ALPK1: variants seen among roughly 807,000 people sequenced by gnomAD.
ALPK1 encodes alpha-protein kinase 1.
In ALPK1, 110 loss-of-function variants were observed where a neutral mutation model predicts 120.6. That is an observed-to-expected ratio of 0.91 (90% CI 0.78 to 1.07). The LOEUF is 1.07. Among genes scored for constraint, ALPK1 ranks in the 50% least tolerant of loss-of-function variants. The probability of loss-of-function intolerance (pLI) is 0.00; values close to 1 mark genes in which losing one functional copy is unlikely to be tolerated. For missense variants in ALPK1, 1,498 were observed against 1,483.9 expected (o/e 1.01, Z -0.16); for synonymous variants, 582 against 560.3 (o/e 1.04, Z -0.55).
At chr4:112,385,720 T>C (rs1732123205) in intron 4 of ALPK1, among the ~76,000 whole-genome samples, 1 of 152,204 alleles carries the variant, frequency 6.6e-6, no homozygotes, top group African/African-American at 2.4e-5. Flanking sequence ...TTTTGTTTCA[T>C]TGTATCCCAA....
intron 3 of ALPK1, among the ~76,000 whole-genome samples, chr4:112,380,301 C>T (rs1383047204): frequency 2.6e-5 from 4 of 152,158 alleles, no homozygotes; most frequent in Non-Finnish European, 4.4e-5. Context: ...TCAGGTTTTC[C>T]AGCAGAATGT....
intron 2 of ALPK1, among the ~76,000 whole-genome samples, chr4:112,355,060 A>C (rs1730540246): frequency 6.6e-6 from 1 of 152,136 alleles, no homozygotes; most frequent in African/African-American, 2.4e-5. Flanking sequence ...GTATCTCCTC[A>C]TGTCTTCCCA....
chr4:112,331,963 A>C (rs1729395971), intron 2 of ALPK1, among the ~76,000 whole-genome samples: 1 of 152,182 alleles, frequency 6.6e-6, no homozygotes, highest in African/African-American at 2.4e-5. Context: ...ACCAGTACCA[A>C]ATAACAACCA....
chr4:112,326,426 T>C lies in ALPK1; in HGVS notation c.-101+10574T>C, dbSNP rs554633957. On this transcript the variant is annotated intron_variant, in intron 2 of 15. Coordinates refer to ENST00000650871, the MANE Select transcript of ALPK1 (RefSeq NM_025144.4). ...GAGAAATGAAGCAGACTTTTTCTGTTTCATTTACATCTGTAGGTACTCTTG... is the reference window on the plus strand; with the variant it reads ...GAGAAATGAAGCAGACTTTTTCTGTCTCATTTACATCTGTAGGTACTCTTG... 2.0e-5 allele frequency among the ~76,000 whole-genome samples: 3 copies of C among 152,254 alleles called. No homozygotes were observed. In the East Asian group the frequency reaches 5.8e-4, roughly 29 times the overall value.
chr4:112,353,880 TA>T lies in ALPK1; in HGVS notation c.-100-23795del, dbSNP rs555931705. Among the ~76,000 whole-genome samples, 1,289 of 151,740 alleles carry T rather than the reference TA, an allele frequency of 8.5e-3. 19 individuals are homozygous for T. The highest frequency in any genetic ancestry group is 0.03 in the African/African-American group (1,232 of 41,414). ...TGAGACTCTGTCTCAAATAAATAAA[TA>T]AATAAATAAATAAATAAATAAGTTG... On this transcript the variant is annotated intron_variant, in intron 2 of 15. Coordinates refer to ENST00000650871, the MANE Select transcript of ALPK1 (RefSeq NM_025144.4).
intron 1 of ALPK1, among the ~76,000 whole-genome samples, chr4:112,302,794 C>G (rs747266420): frequency 2.0e-5 from 3 of 152,100 alleles, no homozygotes; most frequent in Admixed American, 1.3e-4. Context: ...GTCTACTTCC[C>G]TTTCTCTCCT....
chr4:112,438,439 A>G, intron 12 of ALPK1, 45 bp from the exon 13 acceptor site: 1 of 1,596,122 alleles, frequency 6.3e-7, no homozygotes, highest in South Asian at 1.1e-5. Flanking sequence ...CATAGTAAGT[A>G]AGACCACTTT....
intron 2 of ALPK1, among the ~76,000 whole-genome samples, chr4:112,331,964 A>G (rs1729396192): frequency 6.6e-6 from 1 of 152,160 alleles, no homozygotes; most frequent in African/African-American, 2.4e-5. Context: ...CCAGTACCAA[A>G]TAACAACCAC....
At chr4:112,304,812 G>C (rs905686285) in intron 1 of ALPK1, among the ~76,000 whole-genome samples, 17 of 152,082 alleles carry the variant, frequency 1.1e-4, no homozygotes, top group Non-Finnish European at 2.1e-4. Flanking sequence ...TTTTAGACAT[G>C]AAGTCCTTGC....
In ALPK1 at chr4:112,425,730, G is replaced by A. The variant is rs765383617; in HGVS notation, c.601G>A (p.Gly201Arg). Residue 201 changes from glycine to arginine, a missense_variant, in exon 7 of 16, where the codon GGG becomes AGG. Physicochemically the swap from Gly to Arg is moderately radical, Grantham distance 125. Coordinates refer to ENST00000650871, the MANE Select transcript of ALPK1 (RefSeq NM_025144.4). The stretch of plus-strand genomic sequence containing the variant: ...GCAGTCGGTCTGTATACAGATCAGA[G>A]GGCAGATTCTGCAAAAGCTGGGTAC... The part of the protein sequence containing the change: ...LVQSVCIQIR[G>R]QILQKLGMWY... 7 of 1,611,666 alleles carry A rather than the reference G, an allele frequency of 4.3e-6. No individual in the cohort carries two copies. The African/African-American group carries it at 8.0e-5, about 18-fold the overall frequency.
intron 5 of ALPK1, among the ~76,000 whole-genome samples, chr4:112,421,314 T>C (rs1733981266): frequency 6.6e-6 from 1 of 152,230 alleles, no homozygotes; most frequent in African/African-American, 2.4e-5. Flanking sequence ...ACATTTATCT[T>C]TGAATGCTAC....
rs78413793 is a variant in ALPK1 at position 112,437,317 on chromosome 4, C to A, written c.3189-1167C>A. 2.8e-3 allele frequency among the ~76,000 whole-genome samples: 430 copies of A among 152,156 alleles called. 2 individuals carry two copies. The highest frequency in any genetic ancestry group is 9.9e-3 in the African/African-American group (413 of 41,524). On this transcript the variant is annotated intron_variant, in intron 12 of 15. Coordinates refer to ENST00000650871, the MANE Select transcript of ALPK1 (RefSeq NM_025144.4). ...ATTTGCAGCTTAAAAGGAAAAATGA[C>A]CATGGCAGTTTACCATGAACAAATC...
At position 112,431,881 on chromosome 4, in the gene ALPK1, T is replaced by C. The variant is rs1734575674; in HGVS notation, c.2334T>C (p.Phe778=). The C allele has an allele frequency of 6.2e-7, 1 of 1,613,834 alleles. No individual in the cohort carries two copies. The highest frequency in any genetic ancestry group is 1.7e-5 in the Admixed American group (1 of 60,006). ...EISERGAGPT[F]KASPSWVDPE... ...GTGAAAGAGGCGCAGGCCCTACATT[T>C]AAAGCTAGTCCCTCCTGGGTTGACC... The change falls in exon 11 of 16, where the codon TTT becomes TTC. Residue 778 remains phenylalanine, a synonymous_variant. Transcript: ENST00000650871.
At chr4:112,377,255 T>C (rs1384457409) in intron 2 of ALPK1, among the ~76,000 whole-genome samples, 1 of 152,180 alleles carries the variant, frequency 6.6e-6, no homozygotes, top group Non-Finnish European at 1.5e-5. Context: ...ACAGGGGAAA[T>C]CAGCAGTGGG....
intron 2 of ALPK1, among the ~76,000 whole-genome samples, chr4:112,347,186 C>A (rs1730136815): frequency 1.3e-5 from 2 of 152,164 alleles, no homozygotes. Context: ...AATCAACATT[C>A]TGTTAAACTA....
rs552950330 is a variant in ALPK1, at chr4:112,362,857, A to C, written c.-100-14821A>C. Among the ~76,000 whole-genome samples, 70 of 152,346 alleles carry C rather than the reference A, an allele frequency of 4.6e-4. 1 individual carries two copies. The highest frequency in any genetic ancestry group is 1.7e-3 in the African/African-American group (70 of 41,580). ...GGCAAAAGCATCAGGTAATCTGTTA[A>C]GGAAAACTTATCAGATTAACAGCAG... On this transcript the variant is annotated intron_variant, in intron 2 of 15. Coordinates refer to ENST00000650871, the MANE Select transcript of ALPK1 (RefSeq NM_025144.4).
At chr4:112,393,969 G>A (rs1732540450) in intron 4 of ALPK1, among the ~76,000 whole-genome samples, 1 of 151,934 alleles carries the variant, frequency 6.6e-6, no homozygotes, top group Non-Finnish European at 1.5e-5. Context: ...AATTCGTATT[G>A]AGTACAAGTT....
chr4:112,302,644 C>T (rs1475129507), intron 1 of ALPK1, among the ~76,000 whole-genome samples: 3 of 152,204 alleles, frequency 2.0e-5, no homozygotes, highest in Admixed American at 6.5e-5. Flanking sequence ...AGTCTGTCCC[C>T]TTCCTTTTTC....
At chr4:112,358,716 A>C (rs984632908) in intron 2 of ALPK1, 1 of 771,774 alleles carries the variant, frequency 1.3e-6, no homozygotes, top group Admixed American at 1.8e-5. Context: ...AAGGAGGAAG[A>C]AGATCCAGCT....
Sources: gnomAD v4.1 joint callset for allele counts (sites outside exome capture counted in the v4.1 genomes callset) on GRCh38, gnomAD v4.1.1 for gene constraint, MANE v1.5 for transcripts, NCBI Gene and HGNC (gene_info 2026-07-23, HGNC 2026-07-21) for gene names.